The following TSTD2 variants were observed in gnomAD, a reference collection of about 807,000 sequenced individuals.
The protein encoded by TSTD2 is thiosulfate sulfurtransferase like domain containing 2.
In TSTD2, 37 loss-of-function variants were observed where a neutral mutation model predicts 47.9. The observed-to-expected ratio is 0.77, with a 90% confidence interval of 0.59 to 1.02. The LOEUF is 1.02. TSTD2 is among the 50% of genes least tolerant of loss of function. TSTD2 has a pLI of 0.00. For synonymous variants in TSTD2, 201 were observed against 215.9 expected (o/e 0.93, Z 0.61); for missense variants, 586 against 616.0 (o/e 0.95, Z 0.52).
At position 97,600,463 on chromosome 9, in the gene TSTD2, T is replaced by C; in HGVS notation, c.*2006A>G. 1 of 985,638 alleles carries C rather than the reference T, an allele frequency of 1.0e-6. No individual in the cohort carries two copies. The highest frequency in any genetic ancestry group is 1.2e-6 in the Non-Finnish European group (1 of 830,062). The allele number at this position is 985,638 out of a possible 1,614,324, so 61.1% of individuals were successfully genotyped here. ...TACTGGAGTTAGAACTTTTTCCTTA[T>C]TGAATGCCAACCTTATGATGGATGT... On this transcript the variant is annotated 3_prime_UTR_variant, in exon 10 of 10. Coordinates refer to ENST00000341170, the MANE Select transcript of TSTD2 (RefSeq NM_139246.5).
At chr9:97,612,393 C>T (rs1480714517) in intron 4 of TSTD2, among the ~76,000 whole-genome samples, 1 of 152,214 alleles carries the variant, frequency 6.6e-6, no homozygotes, top group East Asian at 1.9e-4. Flanking sequence ...AATGATAGTT[C>T]TGTCTTTAGG....
At chr9:97,603,399 C>T (rs749590641) in intron 9 of TSTD2, among the ~76,000 whole-genome samples, 2 of 152,212 alleles carry the variant, frequency 1.3e-5, no homozygotes, top group Non-Finnish European at 2.9e-5. Flanking sequence ...CTCTCTCCTT[C>T]ATACTCACAC....
intron 6 of TSTD2, among the ~76,000 whole-genome samples, chr9:97,610,013 C>T (rs924287274): frequency 2.6e-5 from 4 of 152,140 alleles, no homozygotes; most frequent in African/African-American, 9.7e-5. Flanking sequence ...TTTCCTGTAG[C>T]AAAAGGCCTA....
At chr9:97,604,992 G>C in intron 8 of TSTD2, 127 bp from the exon 9 acceptor site, 1 of 1,456,616 alleles carries the variant, frequency 6.9e-7, no homozygotes, top group South Asian at 1.4e-5. Flanking sequence ...TCAGTCAGGG[G>C]CTCCTGGCTC....
In TSTD2 at chr9:97,600,103, C is replaced by A; in HGVS notation, c.*2366G>T. On this transcript the variant is annotated 3_prime_UTR_variant, in exon 10 of 10. Transcript: ENST00000341170. ...CATGCTTTTGAAGTATTATAAAACA[C>A]TTTATTACAAATTTGTCTTAGCTAT... The A allele has an allele frequency of 9.9e-7, 1 of 1,008,068 alleles. No homozygotes were observed. 62.4% of individuals were successfully genotyped at this position (1,008,068 alleles called of 1,614,324 possible). A position where few individuals can be genotyped will look rare whatever the true frequency, so the allele number is the denominator to read the frequency against.
intron 1 of TSTD2, among the ~76,000 whole-genome samples, chr9:97,630,887 T>A (rs1826797669): frequency 1.3e-5 from 2 of 152,236 alleles, no homozygotes; most frequent in Admixed American, 1.3e-4. Flanking sequence ...ATCTTCAACC[T>A]GGGCCTTTCT....
Position 97,605,643 on chromosome 9 carries a change from T to C in TSTD2, c.955-2A>G, listed in dbSNP as rs1326405820. 35 of 1,614,226 alleles carry C rather than the reference T, an allele frequency of 2.2e-5. No homozygotes were observed. Among genetic ancestry groups the C allele is most frequent in the Non-Finnish European group, 2.9e-5 (34 of 1,180,034 alleles). On this transcript the variant is annotated splice_acceptor_variant, in intron 7 of 9. Coordinates refer to ENST00000341170, the MANE Select transcript of TSTD2 (RefSeq NM_139246.5). LOFTEE classifies it high-confidence loss of function. ...GGCTAAGCAGCCTTGGAATCGTCCC[T>C]GTAACATAGGAGCAACAAAAGGAAA...
At position 97,611,591 on chromosome 9, in the gene TSTD2, A is replaced by C. The variant is rs1826460269; in HGVS notation, c.712T>G (p.Cys238Gly). The C allele has an allele frequency of 1.2e-6, 2 of 1,602,746 alleles. No homozygotes were observed. The highest frequency in any genetic ancestry group is 1.3e-5 in the African/African-American group (1 of 74,908). ...TCTCTTACCTTAAAATCATCTTTAC[A>C]CAGGTCATCCTTAAACAATGGGAAG... ...LSFPLFKDDL[C>G]KDDFKTSKGG... The change falls in exon 5 of 10, where the codon TGT (cysteine) becomes GGT (glycine). Residue 238 changes from cysteine (C) to glycine (G), a missense_variant. Cys to Gly is a radical substitution (Grantham distance 159, BLOSUM62 -3). Transcript: ENST00000341170.
At position 97,602,643 on chromosome 9, in the gene TSTD2, A is replaced by T; in HGVS notation, c.1377T>A (p.Cys459Ter). The stretch of plus-strand genomic sequence containing the variant: ...AAACTTTCCTGCTCCCCTTGTCTTG[A>T]CATGTGACACAACAGGCTGTGAATC... ...GQGFTACCVT[C>*]QDKGSRKVSG... Residue 459 changes from cysteine (C) to a stop codon, truncating the protein, a stop_gained, in exon 10 of 10, where the codon TGT becomes TGA. Coordinates refer to ENST00000341170, the MANE Select transcript of TSTD2 (RefSeq NM_139246.5). LOFTEE classifies it low-confidence loss of function (END_TRUNC). The T allele has an allele frequency of 6.2e-7, 1 of 1,614,188 alleles. No individual in the cohort carries two copies. Among genetic ancestry groups the T allele is most frequent in the African/African-American group, 1.3e-5 (1 of 75,042 alleles).
intron 6 of TSTD2, among the ~76,000 whole-genome samples, chr9:97,608,002 C>T (rs553131849): frequency 1.1e-4 from 16 of 151,938 alleles, no homozygotes; most frequent in Middle Eastern, 3.4e-3. Flanking sequence ...GTCAACATGG[C>T]GAAACCCCGT....
At chr9:97,628,779 A>G (rs901548341) in intron 1 of TSTD2, among the ~76,000 whole-genome samples, 29 of 152,180 alleles carry the variant, frequency 1.9e-4, no homozygotes, top group African/African-American at 7.0e-4. Flanking sequence ...TCATTCTGAG[A>G]TGCTCACGCT....
chr9:97,611,312 C>G (rs574309198), intron 5 of TSTD2, among the ~76,000 whole-genome samples: 2 of 152,116 alleles, frequency 1.3e-5, no homozygotes, highest in African/African-American at 4.8e-5. Flanking sequence ...GCCTATGGTC[C>G]TAGCTACCTG....
chr9:97,608,697 G>A (rs775494875), intron 6 of TSTD2, among the ~76,000 whole-genome samples: 6 of 152,162 alleles, frequency 3.9e-5, no homozygotes, highest in Non-Finnish European at 8.8e-5. Flanking sequence ...ACTGCCTAGA[G>A]CCCACTCTCT....
intron 8 of TSTD2, 61 bp from the exon 9 acceptor site, chr9:97,604,926 C>T (rs768270896): frequency 1.3e-5 from 20 of 1,593,196 alleles, no homozygotes; most frequent in East Asian, 2.2e-5. Context: ...AAGATGCTCA[C>T]GGAAGAACGG....
In TSTD2 at chr9:97,627,632, G is replaced by T. The variant is rs1826743475; in HGVS notation, c.-50-20C>A. 1 of 1,378,526 alleles carries T rather than the reference G, an allele frequency of 7.3e-7. No individual in the cohort carries two copies. The highest frequency in any genetic ancestry group is 9.7e-7 in the Non-Finnish European group (1 of 1,029,052). The allele number at this position is 1,378,526 out of a possible 1,614,324, so 85.4% of individuals were successfully genotyped here. On this transcript the variant is annotated intron_variant, in intron 1 of 9. Transcript: ENST00000341170. ...TACCTCCTAGAATATAAATAAGAAA[G>T]AAGCAGCCATGCTATTCTTTGATTT...
At chr9:97,605,694 G>C in intron 7 of TSTD2, 53 bp from the exon 8 acceptor site, 1 of 1,610,152 alleles carries the variant, frequency 6.2e-7, no homozygotes, top group Non-Finnish European at 8.5e-7. Flanking sequence ...TACCTGGTAG[G>C]AACAAAGGTT....
intron 6 of TSTD2, among the ~76,000 whole-genome samples, chr9:97,608,985 CG>C (rs1472890591): frequency 6.6e-6 from 1 of 151,402 alleles, no homozygotes; most frequent in Non-Finnish European, 1.5e-5. Context: ...GTCTTGGTGG[CG>C]GGAGAAAAAG....
intron 1 of TSTD2, among the ~76,000 whole-genome samples, chr9:97,630,335 C>A (rs1338999821): frequency 6.6e-6 from 1 of 152,176 alleles, no homozygotes; most frequent in Non-Finnish European, 1.5e-5. Context: ...GATTTATGTA[C>A]ATACTCTGAA....
At chr9:97,606,349 CTTTG>C (rs1460090437) in intron 6 of TSTD2, 88 bp from the exon 7 acceptor site, 52 of 714,742 alleles carry the variant, frequency 7.3e-5, no homozygotes, top group African/African-American at 5.3e-5. Context: ...TTACGTGTTG[CTTTG>C]TTTCTTTCCA....
Sources: allele counts gnomAD v4.1 joint callset (sites outside exome capture counted in the v4.1 genomes callset), GRCh38; gene constraint gnomAD v4.1.1; transcripts MANE v1.5; gene names NCBI Gene and HGNC (gene_info 2026-07-23, HGNC 2026-07-21).